The following CACNA1F variants were observed in gnomAD, a reference collection of about 807,000 sequenced individuals.
The protein encoded by CACNA1F is calcium voltage-gated channel subunit alpha1 F.
Under a neutral mutation model 143.8 loss-of-function variants are expected in CACNA1F, and 59 were observed. That is an observed-to-expected ratio of 0.41 (90% CI 0.33 to 0.51). CACNA1F has a LOEUF of 0.51. CACNA1F is among the 20% of genes least tolerant of loss of function. CACNA1F has a pLI of 0.22. For synonymous variants in CACNA1F, 643 were observed against 649.1 expected (o/e 0.99, Z 0.14); for missense variants, 1,411 against 1,647.5 (o/e 0.86, Z 2.48).
Position 49,209,678 on chromosome X carries a change from T to C in CACNA1F, c.4772A>G (p.Lys1591Arg). Residue 1591 changes from lysine to arginine, a missense_variant, in exon 41 of 48, where the codon AAA (lysine) becomes AGA (arginine). Lys to Arg is a conservative substitution (Grantham distance 26, BLOSUM62 2). Coordinates refer to ENST00000323022, the MANE Select transcript of CACNA1F (RefSeq NM_001256789.3). ...YFRKFRRRKE[K>R]GLLGNDAAPS... ...GGCGGCGTCGTTGCCTAGTAGCCCT[T>C]TTTCTTTCCTCCGCCGGAATTTGCG... The C allele has an allele frequency of 8.3e-7, 1 of 1,210,999 alleles. No individual in the cohort carries two copies. Among genetic ancestry groups the C allele is most frequent in the Non-Finnish European group, 1.1e-6 (1 of 895,042 alleles).
rs782691332 is a variant in CACNA1F at position 49,208,698 on chromosome X, C to T, written c.4954-14G>A. 8.3e-7 allele frequency: 1 copy of T among 1,206,751 alleles called. No individual in the cohort carries two copies. The highest frequency in any genetic ancestry group is 1.8e-5 in the South Asian group (1 of 56,899). On this transcript the variant is annotated splice_polypyrimidine_tract_variant and intron_variant, in intron 42 of 47. Transcript: ENST00000323022. Reference sequence around the variant, plus strand: ...GACCATCGTGGCCTGTGGAGAGTCACAGGACTGAGTGTTGCATGCACTTTG... The same window carrying T: ...GACCATCGTGGCCTGTGGAGAGTCATAGGACTGAGTGTTGCATGCACTTTG...
chrX:49,211,303 G>T lies in CACNA1F; in HGVS notation c.4260+19C>A, dbSNP rs782683693. On this transcript the variant is annotated intron_variant, in intron 36 of 47. Coordinates refer to ENST00000323022, the MANE Select transcript of CACNA1F (RefSeq NM_001256789.3). ...AGCCCCCGTGACGGTGGTGGTGGTT[G>T]TGAGGAAATGGTTCTCACCAGGAAG... is the stretch of plus-strand genomic sequence containing the variant. 4.1e-6 allele frequency: 5 copies of T among 1,208,143 alleles called. No individual in the cohort carries two copies. The Admixed American group carries it at 1.1e-4, about 26-fold the overall frequency.
intron 46 of CACNA1F, 147 bp from the exon 47 acceptor site, chrX:49,205,960 A>G: frequency 1.9e-6 from 1 of 515,307 alleles, no homozygotes; most frequent in Non-Finnish European, 3.2e-6. Context: ...TATTTATGTA[A>G]GAGTGCAGGA....
chrX:49,218,424 G>A (rs782725568), intron 24 of CACNA1F, 31 bp downstream of exon 24: 2 of 1,119,877 alleles, frequency 1.8e-6, no homozygotes, highest in Non-Finnish European at 2.4e-6. Flanking sequence ...GCAGGGCCTG[G>A]GTCCTGTGGG....
Position 49,219,796 on chromosome X carries a change from A to G in CACNA1F, c.2387-6T>C. 1 of 1,061,782 alleles carries G rather than the reference A, an allele frequency of 9.4e-7. No homozygotes were observed. The highest frequency in any genetic ancestry group is 1.3e-6 in the Non-Finnish European group (1 of 779,398). 87.5% of individuals were successfully genotyped at this position (1,061,782 alleles called of 1,213,427 possible). A position where few individuals can be genotyped will look rare whatever the true frequency, so the allele number is the denominator to read the frequency against. On this transcript the variant is annotated splice_region_variant and splice_polypyrimidine_tract_variant and intron_variant, in intron 19 of 47. Coordinates refer to ENST00000323022, the MANE Select transcript of CACNA1F (RefSeq NM_001256789.3). ...CTCCTCCTCCTCCTCCATGTCTGGC[A>G]CCAGAGAAAAGCAAAAAAAAATTAA...
rs782774526 is a variant in CACNA1F, at chrX:49,230,974, C to T, written c.397G>A (p.Val133Ile). 1.6e-5 allele frequency: 19 copies of T among 1,163,679 alleles called. No homozygotes were observed. The highest frequency in any genetic ancestry group is 1.9e-5 in the Non-Finnish European group (16 of 857,068). ...ANHNLEQVEY[V>I]FLVIFTVETV... is the part of the protein sequence containing the mutation. ...TCCACAGTGAAAATCACCAGGAATA[C>T]GTACTCCACCTGCTCCTGGGGGTGG... is the stretch of plus-strand genomic sequence containing the variant. The change falls in exon 4 of 48, where the codon GTA becomes ATA. Residue 133 changes from valine to isoleucine, a missense_variant. Val to Ile is a conservative substitution (Grantham distance 29). Transcript: ENST00000323022.
rs1557104509 is a variant in CACNA1F, at chrX:49,205,221, A to G, written c.5817T>C (p.Ser1939=). ...ASDLLAQGTS[S]LYSDEESILS... ...GGATGGACTCCTCGTCGCTATAGAG[A>G]GAGCTGGTTCCCTGTGCCAGCAGGT... is the stretch of plus-strand genomic sequence containing the variant. Residue 1939 remains serine (S), a synonymous_variant, in exon 48 of 48, where the codon TCT becomes TCC. Coordinates refer to ENST00000323022, the MANE Select transcript of CACNA1F (RefSeq NM_001256789.3). 8.3e-7 allele frequency: 1 copy of G among 1,210,737 alleles called. No homozygotes were observed. The highest frequency in any genetic ancestry group is 2.2e-5 in the Admixed American group (1 of 45,992).
chrX:49,205,295 C>T lies in CACNA1F; in HGVS notation c.5743G>A (p.Ala1915Thr), dbSNP rs1602618728. ...RFVALAKQEI[A>T]DACRLTLDEM... The stretch of plus-strand genomic sequence containing the variant: ...TCCAGCGTCAGGCGACACGCATCTG[C>T]AATCTCCTGCTTGGCCAGGGCCACG... Residue 1915 changes from alanine to threonine, a missense_variant, in exon 48 of 48, where the codon GCA (alanine) becomes ACA (threonine). Transcript: ENST00000323022. The T allele has an allele frequency of 2.5e-6, 3 of 1,210,177 alleles. No individual in the cohort carries two copies. The highest frequency in any genetic ancestry group is 3.4e-6 in the Non-Finnish European group (3 of 894,790).
At chrX:49,222,652 A>G (rs934015620) in intron 16 of CACNA1F, 49 bp from the exon 17 acceptor site, 1 of 1,206,049 alleles carries the variant, frequency 8.3e-7, no homozygotes, top group Non-Finnish European at 1.1e-6. Flanking sequence ...CTGCCTATAG[A>G]CCACCCAGTT....
Position 49,217,924 on chromosome X carries a change from C to T in CACNA1F, c.3010G>A (p.Ala1004Thr), listed in dbSNP as rs782543340. 5.8e-6 allele frequency: 7 copies of T among 1,208,184 alleles called. No homozygotes were observed. The highest frequency in any genetic ancestry group is 5.3e-5 in the African/African-American group (3 of 56,971). Residue 1004 changes from alanine to threonine, a missense_variant, in exon 25 of 48, where the codon GCC becomes ACC. This residue lies in a region of CACNA1F where 950 missense variants were observed against 1,128.1 expected (regional missense o/e 0.84). Coordinates refer to ENST00000323022, the MANE Select transcript of CACNA1F (RefSeq NM_001256789.3). ...IVTTLLQFMF[A>T]CIGVQLFKGK... ...TTGAAGAGCTGCACCCCGATGCAGGCGAACATAAATTGCAGAAGTGTGGTG... is the reference window on the plus strand; with the variant it reads ...TTGAAGAGCTGCACCCCGATGCAGGTGAACATAAATTGCAGAAGTGTGGTG...
At position 49,230,376 on chromosome X, in the gene CACNA1F, C is replaced by A. The variant is rs782801666; in HGVS notation, c.665-4G>T. ...GAATTGAGCACTATGTGCAGGCCTG[C>A]GGGGAGGGAGGGGGAGGCAGAAATA... On this transcript the variant is annotated splice_region_variant and splice_polypyrimidine_tract_variant and intron_variant, in intron 5 of 47. Coordinates refer to ENST00000323022, the MANE Select transcript of CACNA1F (RefSeq NM_001256789.3). 2.5e-6 allele frequency: 3 copies of A among 1,207,858 alleles called. No individual in the cohort carries two copies. The Admixed American group carries it at 6.5e-5, about 26-fold the overall frequency.
intron 13 of CACNA1F, among the ~76,000 whole-genome samples, chrX:49,225,367 AC>A (rs2065813956): frequency 9.0e-6 from 1 of 111,624 alleles, no homozygotes; most frequent in African/African-American, 3.3e-5. Context: ...AAGAGCTGAC[AC>A]TTATAAAGTG....
chrX:49,212,775 G>A lies in CACNA1F; in HGVS notation c.3834C>T (p.Arg1278=). The A allele has an allele frequency of 8.3e-7, 1 of 1,210,483 alleles. No homozygotes were observed. Among genetic ancestry groups the A allele is most frequent in the Admixed American group, 2.2e-5 (1 of 45,962 alleles). The part of the protein sequence containing the change: ...HLGESSEDSS[R]ISITFFRLFR... ...AGAGGCGAAAGAAGGTAATGGAAATGCGGGAGCTGTCCTCAGAGCTCTGGG... is the reference window on the plus strand; with the variant it reads ...AGAGGCGAAAGAAGGTAATGGAAATACGGGAGCTGTCCTCAGAGCTCTGGG... Residue 1278 remains arginine, a synonymous_variant, in exon 33 of 48, where the codon CGC becomes CGT. Transcript: ENST00000323022.
In CACNA1F at chrX:49,230,271, G is replaced by T; in HGVS notation, c.766C>A (p.Leu256Ile). The change falls in exon 6 of 48, where the codon CTC becomes ATC. Residue 256 changes from leucine to isoleucine, a missense_variant. Leu to Ile is a conservative substitution (Grantham distance 5). Transcript: ENST00000323022. ...FVIIIYAIIG[L>I]ELFLGRMHKT... is the part of the protein sequence containing the mutation. ...TGCATTCGTCCAAGGAACAGCTCGA[G>T]CCCAATGATGGCATAAATGATGATG... 1 of 1,206,921 alleles carries T rather than the reference G, an allele frequency of 8.3e-7. No individual in the cohort carries two copies. The highest frequency in any genetic ancestry group is 3.0e-5 in the East Asian group (1 of 33,735).
chrX:49,216,858 C>A (rs2065722370), intron 26 of CACNA1F, among the ~76,000 whole-genome samples: 1 of 111,888 alleles, frequency 8.9e-6, no homozygotes, highest in Non-Finnish European at 1.9e-5. Context: ...TCATCATCGC[C>A]CACCAGGAAA....
intron 14 of CACNA1F, 99 bp from the exon 15 acceptor site, chrX:49,223,235 C>T (rs1272556534): frequency 1.4e-5 from 8 of 552,762 alleles, no homozygotes; most frequent in Middle Eastern, 5.0e-4. Flanking sequence ...AGATGCACCT[C>T]GGCAGGTTGG....
intron 8 of CACNA1F, among the ~76,000 whole-genome samples, chrX:49,227,473 C>T (rs1040519028): frequency 6.3e-5 from 7 of 111,417 alleles, no homozygotes; most frequent in African/African-American, 1.6e-4. Context: ...TACAGGTGTG[C>T]GCCACCATGC....
chrX:49,216,088 A>G (rs988049985), intron 27 of CACNA1F, among the ~76,000 whole-genome samples: 3 of 109,451 alleles, frequency 2.7e-5, no homozygotes, highest in Non-Finnish European at 3.8e-5. Context: ...TGTCCCCCCA[A>G]ACCATCTCCA....
chrX:49,216,653 G>T, intron 26 of CACNA1F, 125 bp from the exon 27 acceptor site: 1 of 578,874 alleles, frequency 1.7e-6, no homozygotes, highest in Non-Finnish European at 2.8e-6. Context: ...TTCAAATCCT[G>T]TCCCTCCATG....
Sources: allele counts gnomAD v4.1 joint callset (sites outside exome capture counted in the v4.1 genomes callset), GRCh38; gene constraint gnomAD v4.1.1; regional missense constraint gnomAD v4.1.1; transcripts MANE v1.5; gene names NCBI Gene and HGNC (gene_info 2026-07-23, HGNC 2026-07-21).